The following MDFIC2 variants were observed in gnomAD, a reference collection of about 807,000 sequenced individuals.
MDFIC2 encodes MyoD family inhibitor domain containing 2.
chr3:70,202,796 C>T (rs548531940), intron 3 of MDFIC2, among the ~76,000 whole-genome samples: 30 of 152,134 alleles, frequency 2.0e-4, no homozygotes, highest in Non-Finnish European at 4.0e-4. Flanking sequence ...AGAATTAACA[C>T]AGCTTCCAGA....
chr3:70,306,164 C>T (rs7432646), intron 2 of MDFIC2, among the ~76,000 whole-genome samples: 46,853 of 151,930 alleles, frequency 0.31, 7,506 homozygotes, highest in East Asian at 0.43. Context: ...AGTGCAATGG[C>T]GTGGTCTCAG....
At chr3:70,312,339 T>G (rs1255665633) in intron 1 of MDFIC2, among the ~76,000 whole-genome samples, 4 of 152,150 alleles carry the variant, frequency 2.6e-5, no homozygotes, top group African/African-American at 9.7e-5. Context: ...TGCTGCAAAG[T>G]GGTATGCAAA....
At chr3:70,214,539 G>A (rs1232837900) in intron 2 of MDFIC2, among the ~76,000 whole-genome samples, 3 of 151,258 alleles carry the variant, frequency 2.0e-5, no homozygotes, top group Non-Finnish European at 2.9e-5. Context: ...AGAAGGCTGA[G>A]CATGGCCCCC....
chr3:70,246,845 C>T (rs192375957), intron 2 of MDFIC2, among the ~76,000 whole-genome samples: 1 of 151,958 alleles, frequency 6.6e-6, no homozygotes, highest in East Asian at 1.9e-4. Context: ...TTAAAACAAC[C>T]CTACCATCTT....
chr3:70,292,508 T>C (rs1296761566), intron 2 of MDFIC2, among the ~76,000 whole-genome samples: 7 of 152,166 alleles, frequency 4.6e-5, no homozygotes, highest in Non-Finnish European at 7.3e-5. Flanking sequence ...ATTCAAGCCA[T>C]GTGGATCTGA....
chr3:70,295,567 G>A (rs991975113), intron 2 of MDFIC2, among the ~76,000 whole-genome samples: 1 of 152,080 alleles, frequency 6.6e-6, no homozygotes, highest in Non-Finnish European at 1.5e-5. Context: ...GCCAGGCTTG[G>A]TGGTGCGCAC....
chr3:70,287,299 G>T (rs1397263227), intron 2 of MDFIC2, among the ~76,000 whole-genome samples: 2 of 144,694 alleles, frequency 1.4e-5, no homozygotes, highest in East Asian at 2.0e-4. Flanking sequence ...GGCCTTTTCT[G>T]CATCTATTGA....
chr3:70,218,071 A>C (rs1228016940), intron 2 of MDFIC2, among the ~76,000 whole-genome samples: 1 of 152,250 alleles, frequency 6.6e-6, no homozygotes. Flanking sequence ...TGTGTGCCCA[A>C]TGAACTATGG....
At position 70,207,803 on chromosome 3, in the gene MDFIC2, A is replaced by C. The variant is rs536028944; in HGVS notation, c.89-1013T>G. Reference sequence around the variant, plus strand: ...ATATGCAAATACCACATCATTTTATATTAGAGACCTGAGCATCTGAAAATT... The same window carrying C: ...ATATGCAAATACCACATCATTTTATCTTAGAGACCTGAGCATCTGAAAATT... On this transcript the variant is annotated intron_variant, in intron 2 of 3. Transcript: ENST00000567252. 3.9e-5 allele frequency among the ~76,000 whole-genome samples: 6 copies of C among 152,176 alleles called. No individual in the cohort carries two copies. The East Asian group carries it at 9.7e-4, about 25-fold the overall frequency.
chr3:70,266,645 T>C (rs1025088542), intron 2 of MDFIC2, among the ~76,000 whole-genome samples: 4 of 152,120 alleles, frequency 2.6e-5, no homozygotes, highest in African/African-American at 9.7e-5. Context: ...AGGATCTCCC[T>C]ATGTTGCCCA....
chr3:70,266,764 T>C (rs1031860774), intron 2 of MDFIC2, among the ~76,000 whole-genome samples: 4 of 152,148 alleles, frequency 2.6e-5, no homozygotes, highest in African/African-American at 9.7e-5. Flanking sequence ...TCTTTTAAAA[T>C]ATATTTCTAT....
At chr3:70,280,509 G>A (rs562970694) in intron 2 of MDFIC2, among the ~76,000 whole-genome samples, 4 of 152,244 alleles carry the variant, frequency 2.6e-5, no homozygotes, top group African/African-American at 9.6e-5. Context: ...CTTTCTAGGG[G>A]AGCTGAGCTG....
At chr3:70,272,835 A>C (rs1701987377) in intron 2 of MDFIC2, among the ~76,000 whole-genome samples, 1 of 152,206 alleles carries the variant, frequency 6.6e-6, no homozygotes. Context: ...TTCTTTCGGC[A>C]AGACTTTGGG....
chr3:70,271,271 A>C (rs1701973805), intron 2 of MDFIC2, among the ~76,000 whole-genome samples: 1 of 152,070 alleles, frequency 6.6e-6, no homozygotes, highest in African/African-American at 2.4e-5. Context: ...CTAGGCAGGT[A>C]AGTAAATCAT....
At chr3:70,207,833 T>A (rs1235611747) in intron 2 of MDFIC2, among the ~76,000 whole-genome samples, 1 of 151,988 alleles carries the variant, frequency 6.6e-6, no homozygotes, top group Non-Finnish European at 1.5e-5. Flanking sequence ...AAAATTTCGA[T>A]ATCTGTGGAG....
chr3:70,302,383 A>G (rs762398928), intron 2 of MDFIC2, among the ~76,000 whole-genome samples: 2 of 152,154 alleles, frequency 1.3e-5, no homozygotes, highest in African/African-American at 2.4e-5. Flanking sequence ...AAAGTAAAGT[A>G]TCTCTTTGTA....
At chr3:70,237,979 C>CTTTTATTTTTTTTTTTTTTTT (rs1701627988) in intron 2 of MDFIC2, among the ~76,000 whole-genome samples, 1 of 48,932 alleles carries the variant, frequency 2.0e-5, no homozygotes, top group African/African-American at 1.1e-4. Flanking sequence ...TGAGTGGTAT[C>CTTTTATTTTTTTTTTTTTTTT]TTTTTTTTTT....
At chr3:70,304,351 C>T (rs1459471074) in intron 2 of MDFIC2, among the ~76,000 whole-genome samples, 2 of 152,204 alleles carry the variant, frequency 1.3e-5, no homozygotes, top group African/African-American at 2.4e-5. Context: ...CAAGACTTCT[C>T]TTGTCCACAT....
chr3:70,301,148 C>A (rs1702344671), intron 2 of MDFIC2, among the ~76,000 whole-genome samples: 1 of 152,064 alleles, frequency 6.6e-6, no homozygotes, highest in Non-Finnish European at 1.5e-5. Context: ...TTCTGAGACA[C>A]AGCTGTAAAA....
Sources: allele counts gnomAD v4.1 joint callset (sites outside exome capture counted in the v4.1 genomes callset), GRCh38; gene constraint gnomAD v4.1.1; transcripts MANE v1.5; gene names NCBI Gene and HGNC (gene_info 2026-07-23, HGNC 2026-07-21).